DROSHA: variants seen among roughly 807,000 people sequenced by gnomAD.
DROSHA encodes ribonuclease 3.
In DROSHA, 56 loss-of-function variants were observed where a neutral mutation model predicts 181.9. The ratio of observed to expected loss-of-function variants is 0.31; its 90% CI spans 0.25 to 0.38. The LOEUF (loss-of-function observed/expected upper bound fraction) is 0.38, where lower values mean the gene tolerates loss of function less well. Among genes scored for constraint, DROSHA ranks in the 10% least tolerant of loss-of-function variants. The probability of loss-of-function intolerance (pLI) is 1.00; values close to 1 mark genes in which losing one functional copy is unlikely to be tolerated. For synonymous variants in DROSHA, 524 were observed against 591.2 expected (o/e 0.89, Z 1.65); for missense variants, 1,218 against 1,743.5 (o/e 0.70, Z 5.37).
At chr5:31,436,611 T>A (rs886095251) in intron 24 of DROSHA, among the ~76,000 whole-genome samples, 4 of 152,170 alleles carry the variant, frequency 2.6e-5, no homozygotes, top group Non-Finnish European at 4.4e-5. Flanking sequence ...CAGGCTGGTC[T>A]TGAACTCCTG....
At chr5:31,418,461 G>A (rs993696509) in intron 30 of DROSHA, among the ~76,000 whole-genome samples, 1 of 151,954 alleles carries the variant, frequency 6.6e-6, no homozygotes, top group African/African-American at 2.4e-5. Context: ...TAGAGATGGA[G>A]TCTCATTATG....
intron 11 of DROSHA, among the ~76,000 whole-genome samples, chr5:31,500,270 A>G (rs1753445741): frequency 6.6e-6 from 1 of 152,256 alleles, no homozygotes; most frequent in South Asian, 2.1e-4. Context: ...AAAGAATTGC[A>G]GGAACTAACT....
chr5:31,531,424 T>A (rs1741365661), intron 2 of DROSHA, 26 bp downstream of exon 2: 2 of 152,160 alleles, frequency 1.3e-5, no homozygotes, highest in Admixed American at 1.3e-4. Flanking sequence ...CAGACTTTAA[T>A]TCAAAAGTCA....
chr5:31,504,705 G>T, intron 10 of DROSHA, 70 bp from the exon 11 acceptor site: 1 of 1,511,370 alleles, frequency 6.6e-7, no homozygotes, highest in Non-Finnish European at 9.1e-7. Context: ...TGATGCCTCC[G>T]AAAATGCGTG....
At chr5:31,446,974 A>T (rs1333734744) in intron 23 of DROSHA, among the ~76,000 whole-genome samples, 2 of 152,190 alleles carry the variant, frequency 1.3e-5, no homozygotes, top group Non-Finnish European at 2.9e-5. Flanking sequence ...CAGGAGGCGG[A>T]GGTTGCAGTG....
Position 31,466,618 on chromosome 5 carries a change from A to G in DROSHA, c.2367-337T>C. On this transcript the variant is annotated intron_variant, in intron 18 of 35. Transcript: ENST00000344624. ...TGTTTCTCACTGTTACCTCTTGAAAATAACAGATTTTATTTAAATATACAC... is the reference window on the plus strand; with the variant it reads ...TGTTTCTCACTGTTACCTCTTGAAAGTAACAGATTTTATTTAAATATACAC... 3 of 194,970 alleles carry G rather than the reference A, an allele frequency of 1.5e-5. No individual in the cohort carries two copies. In the South Asian group the frequency reaches 3.0e-4, roughly 20 times the overall value. The allele number at this position is 194,970 out of a possible 1,614,324, so 12.1% of individuals were successfully genotyped here.
chr5:31,439,779 C>A (rs1745344626), intron 23 of DROSHA, among the ~76,000 whole-genome samples: 1 of 152,064 alleles, frequency 6.6e-6, no homozygotes, highest in Non-Finnish European at 1.5e-5. Flanking sequence ...TCAAGGCTGG[C>A]TGCTGAAAGA....
Position 31,431,604 on chromosome 5 carries a change from T to A in DROSHA, c.3117A>T (p.Ala1039=). ...TTAACGCTTCAAAACAATTGGCCAT[T>A]GCATGTCGAAGGTCCGATTCTCTAC... ...DLCRESDLRH[A]MANCFEALIG... Residue 1039 remains alanine, a synonymous_variant, in exon 26 of 36, where the codon GCA becomes GCT. Coordinates refer to ENST00000344624, the MANE Select transcript of DROSHA (RefSeq NM_001382508.1). The A allele has an allele frequency of 6.2e-7, 1 of 1,613,868 alleles. No individual in the cohort carries two copies. The highest frequency in any genetic ancestry group is 8.5e-7 in the Non-Finnish European group (1 of 1,179,844).
In DROSHA at chr5:31,467,992, A is replaced by G; in HGVS notation, c.2313T>C (p.Ile771=). The G allele has an allele frequency of 6.2e-7, 1 of 1,612,100 alleles. No homozygotes were observed. The change falls in exon 18 of 36, where the codon ATT becomes ATC. Residue 771 remains isoleucine, a synonymous_variant. Coordinates refer to ENST00000344624, the MANE Select transcript of DROSHA (RefSeq NM_001382508.1). ...CAGGGCGTATCCCAAAGTGGACGAT[A>G]ATCGGAAAAGTAATCACATCGGGGT... is the stretch of plus-strand genomic sequence containing the variant. The part of the protein sequence containing the change: ...QFNPDVITFP[I]IVHFGIRPAQ...
chr5:31,515,338 G>A (rs947372216), intron 7 of DROSHA, 116 bp downstream of exon 7: 46 of 1,188,992 alleles, frequency 3.9e-5, no homozygotes, highest in South Asian at 2.6e-4. Context: ...CCAAATCACC[G>A]TGTGTACTTT....
intron 20 of DROSHA, among the ~76,000 whole-genome samples, chr5:31,453,607 C>G (rs1293397401): frequency 2.6e-5 from 4 of 152,190 alleles, no homozygotes; most frequent in East Asian, 1.9e-4. Context: ...GGCAGGCTTT[C>G]CACATCTTGT....
intron 13 of DROSHA, among the ~76,000 whole-genome samples, chr5:31,490,517 A>T (rs975285648): frequency 6.6e-6 from 1 of 152,304 alleles, no homozygotes. Context: ...AGAGCTCTTA[A>T]CATCAGGTAT....
rs7711342 is a variant in DROSHA at position 31,412,877 on chromosome 5, G to A, written c.3526-1990C>T. Among the ~76,000 whole-genome samples, 24 of 152,234 alleles carry A rather than the reference G, an allele frequency of 1.6e-4. No individual in the cohort carries two copies. In the East Asian group the frequency reaches 3.7e-3, roughly 23 times the overall value. On this transcript the variant is annotated intron_variant, in intron 30 of 35. Transcript: ENST00000344624. ...TTTGGTTTGGATTTCATATGGGGACGGGGAGCTTTCCTAAAGTAGAGGCTG... is the reference window on the plus strand; with the variant it reads ...TTTGGTTTGGATTTCATATGGGGACAGGGAGCTTTCCTAAAGTAGAGGCTG...
chr5:31,466,071 T>TA, intron 19 of DROSHA, 111 bp downstream of exon 19: 1 of 1,130,986 alleles, frequency 8.8e-7, no homozygotes, highest in Non-Finnish European at 1.3e-6. Flanking sequence ...ATGATTTTTT[T>TA]AAAAAAATAT....
chr5:31,515,429 C>T (rs1357438771), intron 7 of DROSHA, 25 bp downstream of exon 7: 1 of 1,157,706 alleles, frequency 8.6e-7, no homozygotes, highest in African/African-American at 1.5e-5. Flanking sequence ...TACAAATTCC[C>T]AGGCCCCACC....
At chr5:31,521,839 G>A (rs1739931102) in intron 5 of DROSHA, among the ~76,000 whole-genome samples, 1 of 152,120 alleles carries the variant, frequency 6.6e-6, no homozygotes, top group East Asian at 1.9e-4. Context: ...ACCTTCCAAT[G>A]TAAAACTGGG....
chr5:31,421,719 C>CTT (rs1216029835), intron 29 of DROSHA: 2 of 188,602 alleles, frequency 1.1e-5, no homozygotes, highest in African/African-American at 4.8e-5. Flanking sequence ...AGGTCCAAGA[C>CTT]TTTTCTTTGC....
In DROSHA at chr5:31,526,715, G is replaced by A. The variant is rs758427485; in HGVS notation, c.218C>T (p.Pro73Leu). 2 of 1,557,246 alleles carry A rather than the reference G, an allele frequency of 1.3e-6. No homozygotes were observed. Among genetic ancestry groups the A allele is most frequent in the African/African-American group, 1.4e-5 (1 of 72,602 alleles). Residue 73 changes from proline to leucine, a missense_variant, in exon 5 of 36, where the codon CCT (proline) becomes CTT (leucine). By Grantham distance (98) the Pro-to-Leu change is moderately conservative (BLOSUM62 -3). Coordinates refer to ENST00000344624, the MANE Select transcript of DROSHA (RefSeq NM_001382508.1). The part of the protein sequence containing the change: ...FSNSPAPNFL[P>L]PRPDFVPFPP... Reference sequence around the variant, plus strand: ...GAAGGGTACAAAGTCTGGTCGTGGAGGGAGAAAATTGGGGGCTGGAGAGTT... The same window carrying A: ...GAAGGGTACAAAGTCTGGTCGTGGAAGGAGAAAATTGGGGGCTGGAGAGTT...
chr5:31,453,582 C>T (rs1216192348), intron 20 of DROSHA, among the ~76,000 whole-genome samples: 1 of 152,290 alleles, frequency 6.6e-6, no homozygotes, highest in Non-Finnish European at 1.5e-5. Context: ...TACTCAGAAA[C>T]AAAATGCATT....
Sources: allele counts gnomAD v4.1 joint callset (sites outside exome capture counted in the v4.1 genomes callset), GRCh38; gene constraint gnomAD v4.1.1; transcripts MANE v1.5; gene names NCBI Gene and HGNC (gene_info 2026-07-23, HGNC 2026-07-21).